POLQ: variants seen among roughly 807,000 people sequenced by gnomAD.
POLQ encodes DNA polymerase theta, also known as epididymis secretory sperm binding protein.
In POLQ, 233 loss-of-function variants were observed where a neutral mutation model predicts 259.2. The ratio of observed to expected loss-of-function variants is 0.90; its 90% CI spans 0.81 to 1.00. The LOEUF is 1.00. Among genes scored for constraint, POLQ ranks in the 50% least tolerant of loss-of-function variants. POLQ has a pLI of 0.00. For synonymous variants in POLQ, 1,025 were observed against 1,048.8 expected (o/e 0.98, Z 0.44); for missense variants, 2,871 against 3,051.6 (o/e 0.94, Z 1.39).
At chr3:121,477,964 G>A (rs1275836603) in intron 19 of POLQ, among the ~76,000 whole-genome samples, 2 of 152,144 alleles carry the variant, frequency 1.3e-5, no homozygotes, top group African/African-American at 2.4e-5. Context: ...AGAAATTCAC[G>A]TTACTTGAGA....
Position 121,541,372 on chromosome 3 carries a change from T to A in POLQ, c.451A>T (p.Lys151Ter). The A allele has an allele frequency of 6.2e-7, 1 of 1,607,080 alleles. No individual in the cohort carries two copies. The highest frequency in any genetic ancestry group is 1.7e-5 in the Admixed American group (1 of 58,224). ...ACCTGGAGGTAGTATTTCTTCTCTT[T>A]AGCCACAGAAACAAAGGGAAGAATA... is the stretch of plus-strand genomic sequence containing the variant. ...LFILPFVSVA[K>*]EKKYYLQSLF... Residue 151 changes from lysine to a stop codon, truncating the protein, a stop_gained, in exon 3 of 30, where the codon AAA becomes TAA. Coordinates refer to ENST00000264233, the MANE Select transcript of POLQ (RefSeq NM_199420.4). LOFTEE classifies it high-confidence loss of function.
intron 24 of POLQ, among the ~76,000 whole-genome samples, chr3:121,466,359 G>A (rs1241650161): frequency 1.9e-4 from 19 of 100,148 alleles, no homozygotes; most frequent in Non-Finnish European, 2.9e-4. Flanking sequence ...GTGAGACTCC[G>A]TCTCAAAAAA....
At position 121,537,163 on chromosome 3, in the gene POLQ, C is replaced by A; in HGVS notation, c.677G>T (p.Arg226Leu). 1 of 1,606,814 alleles carries A rather than the reference C, an allele frequency of 6.2e-7. No individual in the cohort carries two copies. The highest frequency in any genetic ancestry group is 8.5e-7 in the Non-Finnish European group (1 of 1,173,578). The change falls in exon 5 of 30, where the codon CGA becomes CTA. Residue 226 changes from arginine to leucine, a missense_variant. Arg to Leu is a moderately radical substitution (Grantham distance 102, BLOSUM62 -2). Transcript: ENST00000264233. Reference protein sequence around the residue: ...DELHMLGDSHRGYLLELLLTK... With the variant: ...DELHMLGDSHLGYLLELLLTK... The stretch of plus-strand genomic sequence containing the variant: ...CAGCAAAAGTTCCAGCAGATACCCT[C>A]GGTGAGAGTCTCCCAGCATATGTAA...
At chr3:121,479,361 A>AGTGT (rs1560094485) in intron 19 of POLQ, among the ~76,000 whole-genome samples, 1 of 71,712 alleles carries the variant, frequency 1.4e-5, no homozygotes, top group African/African-American at 4.9e-5. Context: ...AAAAAAAAAA[A>AGTGT]ATGTGTGTGT....
rs772260327 is a variant in POLQ at position 121,509,720 on chromosome 3, G to A, written c.1817-17C>T. On this transcript the variant is annotated splice_polypyrimidine_tract_variant and intron_variant, in intron 11 of 29. Coordinates refer to ENST00000264233, the MANE Select transcript of POLQ (RefSeq NM_199420.4). Reference sequence around the variant, plus strand: ...ACACCTTTCCTGGTTTAGGGTTAGGGTGAGGAAACAGAGGAACAAACATTC... The same window carrying A: ...ACACCTTTCCTGGTTTAGGGTTAGGATGAGGAAACAGAGGAACAAACATTC... 6.3e-7 allele frequency: 1 copy of A among 1,597,322 alleles called. No individual in the cohort carries two copies. The highest frequency in any genetic ancestry group is 8.5e-7 in the Non-Finnish European group (1 of 1,173,792).
At chr3:121,438,481 C>A (rs552156878) in intron 27 of POLQ, among the ~76,000 whole-genome samples, 5 of 152,266 alleles carry the variant, frequency 3.3e-5, no homozygotes, top group African/African-American at 4.8e-5. Context: ...TTAGAAGAAG[C>A]CTTTTAGTCT....
intron 26 of POLQ, among the ~76,000 whole-genome samples, chr3:121,442,205 T>C (rs2047598195): frequency 6.6e-6 from 1 of 152,210 alleles, no homozygotes; most frequent in Non-Finnish European, 1.5e-5. Flanking sequence ...ATGGGGTACA[T>C]GAGATATTAT....
In POLQ at chr3:121,522,040, CT is replaced by C; in HGVS notation, c.1217del (p.Gln406ArgfsTer8). ...ATGCTACTCCCCATGGTACAGTTTT[CT>C]GTAATACAGAGTCCAGTCCTGAAGG... ...RLPSGLDSVL[Q>X]KTVPWGVAFH... On this transcript the variant is annotated frameshift_variant, in exon 8 of 30. Coordinates refer to ENST00000264233, the MANE Select transcript of POLQ (RefSeq NM_199420.4). LOFTEE classifies it high-confidence loss of function. The C allele has an allele frequency of 6.2e-7, 1 of 1,600,292 alleles. No homozygotes were observed. Among genetic ancestry groups the C allele is most frequent in the South Asian group, 1.1e-5 (1 of 88,764 alleles).
chr3:121,465,396 A>ATCT (rs2047827101), intron 24 of POLQ, among the ~76,000 whole-genome samples: 1 of 152,134 alleles, frequency 6.6e-6, no homozygotes, highest in Admixed American at 6.6e-5. Flanking sequence ...CTTGTGAGAA[A>ATCT]TACTTTTGAG....
At chr3:121,466,667 G>A (rs960264811) in intron 24 of POLQ, among the ~76,000 whole-genome samples, 4 of 150,692 alleles carry the variant, frequency 2.7e-5, no homozygotes, top group Admixed American at 6.6e-5. Flanking sequence ...TCCAGCCTGG[G>A]CAACAAGAGG....
Position 121,487,758 on chromosome 3 carries a change from C to T in POLQ, c.5173G>A (p.Glu1725Lys). The T allele has an allele frequency of 6.2e-7, 1 of 1,613,036 alleles. No homozygotes were observed. Among genetic ancestry groups the T allele is most frequent in the African/African-American group, 1.3e-5 (1 of 75,018 alleles). ...DETSSLLPRK[E>K]SNIVDDNGLI... Reference sequence around the variant, plus strand: ...CCATTATCATCAACTATATTACTTTCTTTACGAGGTAAGAGGGATGAGGTT... The same window carrying T: ...CCATTATCATCAACTATATTACTTTTTTTACGAGGTAAGAGGGATGAGGTT... The change falls in exon 16 of 30, where the codon GAA becomes AAA. Residue 1725 changes from glutamate to lysine, a missense_variant. Physicochemically the swap from Glu to Lys is moderately conservative, Grantham distance 56. Around this residue, in one of 3 missense-constraint regions of POLQ, gnomAD observed 2,080 missense variants for 2,126.0 expected, o/e 0.98. Transcript: ENST00000264233.
At chr3:121,476,810 G>T (rs2047931255) in intron 19 of POLQ, 77 bp from the exon 20 acceptor site, 2 of 964,814 alleles carry the variant, frequency 2.1e-6, no homozygotes, top group African/African-American at 1.6e-5. Flanking sequence ...AAACTATACA[G>T]AATTCATCTA....
rs181201538 is a variant in POLQ at position 121,451,783 on chromosome 3, C to T, written c.7153-2357G>A. 3.2e-3 allele frequency among the ~76,000 whole-genome samples: 480 copies of T among 152,288 alleles called. 3 individuals are homozygous for T. The highest frequency in any genetic ancestry group is 0.011 in the African/African-American group (447 of 41,552). ...CTGTCCGTTCTCAGATCTCAAACTC[C>T]GTGCGGGGAGAACCACTACTCTCTT... On this transcript the variant is annotated intron_variant, in intron 25 of 29. Coordinates refer to ENST00000264233, the MANE Select transcript of POLQ (RefSeq NM_199420.4).
At chr3:121,493,778 A>G (rs1295745368) in intron 14 of POLQ, 57 bp from the exon 15 acceptor site, 4 of 1,468,630 alleles carry the variant, frequency 2.7e-6, no homozygotes, top group African/African-American at 2.8e-5. Context: ...CGAATTCTCC[A>G]TTTCTTTAGA....
intron 26 of POLQ, among the ~76,000 whole-genome samples, chr3:121,441,780 T>C (rs2047594552): frequency 6.6e-6 from 1 of 152,236 alleles, no homozygotes; most frequent in Admixed American, 6.5e-5. Flanking sequence ...TATAGTTAAA[T>C]GGATGTTTAA....
chr3:121,487,525 T>G lies in POLQ; in HGVS notation c.5406A>C (p.Thr1802=), dbSNP rs763772466. Reference sequence around the variant, plus strand: ...CCTGTGATAACTGAAGTGAAAAGCTTGTGTCACTAATAGGGCTGTTGTCTT... The same window carrying G: ...CCTGTGATAACTGAAGTGAAAAGCTGGTGTCACTAATAGGGCTGTTGTCTT... The part of the protein sequence containing the change: ...GFKDNSPISD[T]SFSLQLSQDG... Residue 1802 remains threonine (T), a synonymous_variant, in exon 16 of 30, where the codon ACA becomes ACC. Coordinates refer to ENST00000264233, the MANE Select transcript of POLQ (RefSeq NM_199420.4). 6.2e-7 allele frequency: 1 copy of G among 1,614,086 alleles called. No individual in the cohort carries two copies. Among genetic ancestry groups the G allele is most frequent in the African/African-American group, 1.3e-5 (1 of 75,056 alleles).
intron 14 of POLQ, among the ~76,000 whole-genome samples, chr3:121,495,688 CAA>C (rs34616017): frequency 6.7e-5 from 10 of 148,870 alleles, no homozygotes; most frequent in Non-Finnish European, 1.2e-4. Context: ...ACTAAAAATA[CAA>C]AAAAAAAAAT....
At chr3:121,506,764 A>G (rs1188447520) in intron 12 of POLQ, among the ~76,000 whole-genome samples, 1 of 152,194 alleles carries the variant, frequency 6.6e-6, no homozygotes, top group African/African-American at 2.4e-5. Context: ...GTCTTTCCTA[A>G]AGATACACCT....
chr3:121,447,011 GT>G (rs1296686658), intron 26 of POLQ, among the ~76,000 whole-genome samples: 1 of 151,018 alleles, frequency 6.6e-6, no homozygotes, highest in Admixed American at 6.6e-5. Flanking sequence ...TTGTTCCATG[GT>G]TTTTTTTCTC....
Sources: gnomAD v4.1 joint callset for allele counts (sites outside exome capture counted in the v4.1 genomes callset) on GRCh38, gnomAD v4.1.1 for gene constraint, gnomAD v4.1.1 regional missense constraint, MANE v1.5 for transcripts, NCBI Gene and HGNC (gene_info 2026-07-23, HGNC 2026-07-21) for gene names.